ZFHX3: variants seen among roughly 807,000 people sequenced by gnomAD.
The protein encoded by ZFHX3 is zinc finger homeobox protein 3.
Under a neutral mutation model 279.1 loss-of-function variants are expected in ZFHX3, and 42 were observed. The observed-to-expected ratio is 0.15, with a 90% CI of 0.12 to 0.19. ZFHX3 has a LOEUF of 0.19. Ranked by LOEUF, ZFHX3 falls within the 10% of genes least tolerant of loss-of-function variation. The pLI is 1.00. For missense variants in ZFHX3, 4,981 were observed against 4,754.0 expected (o/e 1.05, Z -1.40); for synonymous variants, 2,293 against 1,957.8 (o/e 1.17, Z -4.52).
intron 1 of ZFHX3, among the ~76,000 whole-genome samples, chr16:73,769,276 T>C (rs1418189163): frequency 6.6e-6 from 1 of 152,146 alleles, no homozygotes; most frequent in African/African-American, 2.4e-5. Context: ...CCCTCTGACT[T>C]AGATCATAAA....
chr16:73,887,476 A>T (rs1203688124), intron 1 of ZFHX3, among the ~76,000 whole-genome samples: 2 of 152,236 alleles, frequency 1.3e-5, no homozygotes, highest in Non-Finnish European at 2.9e-5. Context: ...CTGGTTTATG[A>T]TAGATTAAAA....
At chr16:73,078,637 G>A (rs2144763261) in intron 8 of ZFHX3, among the ~76,000 whole-genome samples, 1 of 152,030 alleles carries the variant, frequency 6.6e-6, no homozygotes, top group South Asian at 2.1e-4. Context: ...AACCGCGCCT[G>A]GCCACTAAAG....
At chr16:73,566,601 G>A (rs529932896) in intron 2 of ZFHX3, among the ~76,000 whole-genome samples, 6 of 148,068 alleles carry the variant, frequency 4.1e-5, no homozygotes, top group African/African-American at 1.5e-4. Context: ...TATTCCTGTG[G>A]CCTCAAACTC....
intron 2 of ZFHX3, among the ~76,000 whole-genome samples, chr16:73,611,206 A>T (rs1311953033): frequency 1.3e-5 from 2 of 152,160 alleles, no homozygotes; most frequent in African/African-American, 4.8e-5. Context: ...TTCTTCTCAG[A>T]TAGGCAGGAC....
chr16:73,474,258 A>C (rs1597349360), intron 2 of ZFHX3, among the ~76,000 whole-genome samples: 2 of 151,834 alleles, frequency 1.3e-5, no homozygotes, highest in East Asian at 2.0e-4. Flanking sequence ...AGTGATTCTC[A>C]TGCCTCAGCC....
intron 2 of ZFHX3, chr16:73,483,421 A>T (rs1178915095): frequency 6.6e-6 from 3 of 455,226 alleles, no homozygotes; most frequent in Non-Finnish European, 1.3e-5. Flanking sequence ...CTGGAAGAAA[A>T]GATGAGAAGG....
intron 6 of ZFHX3, among the ~76,000 whole-genome samples, chr16:73,138,089 G>C (rs1966824051): frequency 6.6e-6 from 1 of 152,112 alleles, no homozygotes; most frequent in African/African-American, 2.4e-5. Flanking sequence ...TCCTCAGAGT[G>C]CTTCTGAGTC....
At chr16:73,197,058 C>G (rs1197320123) in intron 5 of ZFHX3, among the ~76,000 whole-genome samples, 2 of 152,120 alleles carry the variant, frequency 1.3e-5, no homozygotes, top group African/African-American at 4.8e-5. Flanking sequence ...TATTGCCCAC[C>G]ATAATTGTTT....
At chr16:72,865,635 G>A (rs1597324819) in intron 4 of ZFHX3, among the ~76,000 whole-genome samples, 1 of 1,794 alleles carries the variant, frequency 5.6e-4, no homozygotes, top group African/African-American at 2.9e-3. Context: ...CTACTGAGAT[G>A]GAGGGTACCT....
Position 72,958,417 on chromosome 16 carries a change from C to A in ZFHX3, c.1729G>T (p.Val577Phe), listed in dbSNP as rs62640001. The A allele has an allele frequency of 1.1e-5, 18 of 1,614,220 alleles. No homozygotes were observed. In the African/African-American group the frequency reaches 2.0e-4, roughly 18 times the overall value. The change falls in exon 2 of 10, where the codon GTC becomes TTC. Residue 577 changes from valine (V) to phenylalanine (F), a missense_variant. Val to Phe is a conservative substitution (Grantham distance 50). Coordinates refer to ENST00000268489, the MANE Select transcript of ZFHX3 (RefSeq NM_006885.4). Reference protein sequence around the residue: ...RNRLSFNSEGVRANVAEGGRR... With the variant: ...RNRLSFNSEGFRANVAEGGRR... ...CCGCCCTCTGCCACATTGGCCCTGA[C>A]GCCCTCACTGTTAAAGCTTAAACGA...
At chr16:73,234,319 C>G (rs546831721) in intron 5 of ZFHX3, among the ~76,000 whole-genome samples, 1 of 152,338 alleles carries the variant, frequency 6.6e-6, no homozygotes, top group Admixed American at 6.5e-5. Flanking sequence ...GTCAACCCCT[C>G]CTCACAATCA....
intron 3 of ZFHX3, among the ~76,000 whole-genome samples, chr16:73,344,174 C>T (rs2016084458): frequency 6.6e-6 from 1 of 152,112 alleles, no homozygotes. Context: ...TTAAAGATAA[C>T]ATCACAAATA....
chr16:73,093,390 C>T, exon 8 of ZFHX3: 1 of 434,716 alleles, frequency 2.3e-6, no homozygotes, highest in South Asian at 1.6e-5. Flanking sequence ...AAAAGTCTGG[C>T]AGATGCAGAA....
chr16:73,445,960 T>C (rs2018178621), intron 3 of ZFHX3, among the ~76,000 whole-genome samples: 2 of 152,250 alleles, frequency 1.3e-5, no homozygotes. Flanking sequence ...GTTCTCTTTA[T>C]GATCATCCTT....
At chr16:73,127,099 A>T (rs1966582003) in intron 7 of ZFHX3, 1 of 276,600 alleles carries the variant, frequency 3.6e-6, no homozygotes, top group African/African-American at 2.2e-5. Flanking sequence ...CTTGAAATCC[A>T]CCTGAAATGA....
chr16:73,568,206 A>G (rs2020477004), intron 2 of ZFHX3, among the ~76,000 whole-genome samples: 1 of 152,182 alleles, frequency 6.6e-6, no homozygotes, highest in African/African-American at 2.4e-5. Flanking sequence ...AAGTGACATT[A>G]TAGGTCATTA....
chr16:72,985,211 C>T (rs7184443), intron 1 of ZFHX3, among the ~76,000 whole-genome samples: 394 of 152,264 alleles, frequency 2.6e-3, no homozygotes, highest in African/African-American at 9.0e-3. Flanking sequence ...AAAAGGGGAA[C>T]GTAAACATGA....
At chr16:73,366,588 CAAAAA>C (rs61090242) in intron 3 of ZFHX3, among the ~76,000 whole-genome samples, 4 of 121,888 alleles carry the variant, frequency 3.3e-5, no homozygotes, top group Admixed American at 8.8e-5. Flanking sequence ...AAACCAAAAC[CAAAAA>C]AAAAAAAAAA....
intron 7 of ZFHX3, chr16:72,807,118 G>A (rs1487840325): frequency 6.6e-6 from 1 of 152,120 alleles, no homozygotes; most frequent in African/African-American, 2.4e-5. Context: ...TGAAAGAATG[G>A]GAAAATAAGG....
Sources: allele counts gnomAD v4.1 joint callset (sites outside exome capture counted in the v4.1 genomes callset), GRCh38; gene constraint gnomAD v4.1.1; transcripts MANE v1.5; gene names NCBI Gene and HGNC (gene_info 2026-07-23, HGNC 2026-07-21).